Variants in KMT2E observed in about 807,000 individuals in gnomAD.
KMT2E encodes the protein lysine methyltransferase 2E (inactive).
Under a neutral mutation model 184.6 loss-of-function variants are expected in KMT2E, and 30 were observed. The ratio of observed to expected loss-of-function variants is 0.16; its 90% CI spans 0.12 to 0.22. KMT2E has a LOEUF of 0.22. Ranked by LOEUF, KMT2E falls within the 10% of genes least tolerant of loss-of-function variation. The pLI, the probability that KMT2E is intolerant of heterozygous loss-of-function variation, is 1.00. For synonymous variants in KMT2E, 815 were observed against 776.5 expected, an observed-to-expected ratio of 1.05 and a Z score of -0.82; for missense variants, 2,023 against 2,237.4, an observed-to-expected ratio of 0.90 and a Z score of 1.93.
chr7:105,019,466 A>G (rs1370759449), intron 1 of KMT2E, among the ~76,000 whole-genome samples: 1 of 152,226 alleles, frequency 6.6e-6, no homozygotes, highest in Non-Finnish European at 1.5e-5. Flanking sequence ...GGACATTTTC[A>G]ATGCAACAGG....
intron 1 of KMT2E, among the ~76,000 whole-genome samples, chr7:105,036,045 C>T (rs1323944856): frequency 6.6e-6 from 1 of 152,066 alleles, no homozygotes; most frequent in Non-Finnish European, 1.5e-5. Flanking sequence ...GAGTGAGATA[C>T]TTAAGTATTT....
In KMT2E at chr7:105,112,396, C is replaced by T; in HGVS notation, c.4640C>T (p.Pro1547Leu). The change falls in exon 27 of 27, where the codon CCA (proline) becomes CTA (leucine). Residue 1547 changes from proline to leucine, a missense_variant. By Grantham distance (98) the Pro-to-Leu change is moderately conservative (BLOSUM62 -3). Coordinates refer to ENST00000311117, the MANE Select transcript of KMT2E (RefSeq NM_182931.3). ...CTGAACAGCACGGCACCACCCCCTC[C>T]ACCTCCTCCACCTCCTTCTTCGTCT... is the stretch of plus-strand genomic sequence containing the variant. ...QSLNSTAPPP[P>L]PPPPPSSSYY... The T allele has an allele frequency of 1.9e-6, 3 of 1,612,566 alleles. No individual in the cohort carries two copies. Among genetic ancestry groups the T allele is most frequent in the South Asian group, 2.2e-5 (2 of 91,052 alleles).
chr7:105,087,284 G>GATATGATAT (rs1554396447), intron 13 of KMT2E, among the ~76,000 whole-genome samples: 1 of 143,874 alleles, frequency 7.0e-6, no homozygotes, highest in Non-Finnish European at 1.5e-5. Context: ...ATATAAATAT[G>GATATGATAT]ATATAATATA....
chr7:105,046,257 C>T (rs1001563455), intron 3 of KMT2E, among the ~76,000 whole-genome samples: 2 of 152,152 alleles, frequency 1.3e-5, no homozygotes, highest in African/African-American at 4.8e-5. Context: ...TACACATAAG[C>T]CATAATTTTT....
chr7:105,110,621 G>C lies in KMT2E; in HGVS notation c.3970+19G>C. ...ATGGAAGGTCAGTAAGCAGATGACC[G>C]ATAATGTTATTCTTAACAAATTTTA... On this transcript the variant is annotated intron_variant, in intron 25 of 26. Transcript: ENST00000311117. 6.2e-7 allele frequency: 1 copy of C among 1,613,690 alleles called. No homozygotes were observed. Among genetic ancestry groups the C allele is most frequent in the Non-Finnish European group, 8.5e-7 (1 of 1,179,716 alleles).
rs561921192 is a variant in KMT2E, at chr7:105,074,280, C to T, written c.557-363C>T. Among the ~76,000 whole-genome samples, 20 of 152,268 alleles carry T rather than the reference C, an allele frequency of 1.3e-4. No individual in the cohort carries two copies. In the South Asian group the frequency reaches 2.5e-3, roughly 19 times the overall value. On this transcript the variant is annotated intron_variant, in intron 7 of 26. Transcript: ENST00000311117. ...TGTACTTTTGCTGTTTTATCTTTGG[C>T]TAGATCTCTAATAATGAGATGGCTG...
intron 22 of KMT2E, 138 bp downstream of exon 22, chr7:105,108,063 C>G (rs1798992204): frequency 6.6e-6 from 4 of 606,302 alleles, no homozygotes; most frequent in Non-Finnish European, 1.0e-5. Context: ...TATTTTTAAA[C>G]CTTTTGTAAA....
chr7:105,095,291 GTATTTA>G (rs748217332), intron 15 of KMT2E, among the ~76,000 whole-genome samples: 1 of 152,042 alleles, frequency 6.6e-6, no homozygotes, highest in Admixed American at 6.6e-5. Context: ...ATATATTTTT[GTATTTA>G]TATTTATGAT....
At position 105,107,420 on chromosome 7, in the gene KMT2E, C is replaced by T; in HGVS notation, c.2963C>T (p.Thr988Ile). 6.2e-7 allele frequency: 1 copy of T among 1,609,644 alleles called. No homozygotes were observed. Reference sequence around the variant, plus strand: ...GGGCCTTTTAGAAATTCTAATTTAACTGAACTGGGTCTGCAAGAAATAAAG... The same window carrying T: ...GGGCCTTTTAGAAATTCTAATTTAATTGAACTGGGTCTGCAAGAAATAAAG... Reference protein sequence around the residue: ...TLGPFRNSNLTELGLQEIKTI... With the variant: ...TLGPFRNSNLIELGLQEIKTI... Residue 988 changes from threonine to isoleucine, a missense_variant, in exon 22 of 27, where the codon ACT becomes ATT. Around this residue, in one of 8 missense-constraint regions of KMT2E, gnomAD observed 514 missense variants for 621.8 expected, o/e 0.83. Transcript: ENST00000311117.
chr7:105,064,576 G>T (rs945721869), intron 5 of KMT2E, among the ~76,000 whole-genome samples: 1 of 152,064 alleles, frequency 6.6e-6, no homozygotes, highest in African/African-American at 2.4e-5. Context: ...GCCAAAAAAT[G>T]AGAAATTCAA....
chr7:105,106,787 T>A lies in KMT2E; in HGVS notation c.2847+15T>A. On this transcript the variant is annotated intron_variant, in intron 20 of 26. Coordinates refer to ENST00000311117, the MANE Select transcript of KMT2E (RefSeq NM_182931.3). ...TGCACTTTGAGGTGAGAAATTTTAA[T>A]GGAGAAAAAAAAATTCAACACTTGG... 1 of 1,603,728 alleles carries A rather than the reference T, an allele frequency of 6.2e-7. No homozygotes were observed. Among genetic ancestry groups the A allele is most frequent in the South Asian group, 1.1e-5 (1 of 89,922 alleles).
intron 21 of KMT2E, 65 bp from the exon 22 acceptor site, chr7:105,107,297 A>C: frequency 6.6e-7 from 1 of 1,516,394 alleles, no homozygotes; most frequent in Admixed American, 2.2e-5. Flanking sequence ...TTACTGGTAA[A>C]TTTTGAAATA....
chr7:105,015,087 A>C (rs1794657175), intron 1 of KMT2E, among the ~76,000 whole-genome samples: 1 of 152,126 alleles, frequency 6.6e-6, no homozygotes, highest in African/African-American at 2.4e-5. Context: ...CTAGCTCCTC[A>C]TCCTCTCCTG....
At chr7:105,083,963 C>T (rs1187171749) in intron 13 of KMT2E, among the ~76,000 whole-genome samples, 3 of 152,094 alleles carry the variant, frequency 2.0e-5, no homozygotes, top group African/African-American at 7.2e-5. Flanking sequence ...TTAATGACTT[C>T]ACTTTTTCTA....
At chr7:105,029,346 G>C (rs1442646075) in intron 1 of KMT2E, among the ~76,000 whole-genome samples, 1 of 152,180 alleles carries the variant, frequency 6.6e-6, no homozygotes, top group Non-Finnish European at 1.5e-5. Context: ...CAAGAACCTA[G>C]AGCAGTATCT....
rs150728398 is a variant in KMT2E, at chr7:105,112,382, G to C, written c.4626G>C (p.Thr1542=). 6.2e-7 allele frequency: 1 copy of C among 1,612,694 alleles called. No individual in the cohort carries two copies. Among genetic ancestry groups the C allele is most frequent in the East Asian group, 2.2e-5 (1 of 44,866 alleles). Residue 1542 remains threonine (T), a synonymous_variant, in exon 27 of 27, where the codon ACG becomes ACC. Coordinates refer to ENST00000311117, the MANE Select transcript of KMT2E (RefSeq NM_182931.3). ...SQFNQQSLNS[T]APPPPPPPPP... ...TTAACCAACAAAGTCTGAACAGCAC[G>C]GCACCACCCCCTCCACCTCCTCCAC...
chr7:105,107,669 C>T lies in KMT2E; in HGVS notation c.3212C>T (p.Pro1071Leu). 2 of 1,614,158 alleles carry T rather than the reference C, an allele frequency of 1.2e-6. No homozygotes were observed. Among genetic ancestry groups the T allele is most frequent in the Non-Finnish European group, 1.7e-6 (2 of 1,180,032 alleles). Reference protein sequence around the residue: ...GTMYSSWVKSPDRTGVNFSVN... With the variant: ...GTMYSSWVKSLDRTGVNFSVN... ...ATGTATTCTTCCTGGGTAAAGAGCC[C>T]TGACAGAACAGGAGTTAACTTCTCA... Residue 1071 changes from proline to leucine, a missense_variant, in exon 22 of 27, where the codon CCT becomes CTT. Physicochemically the swap from Pro to Leu is moderately conservative, Grantham distance 98. Transcript: ENST00000311117.
intron 1 of KMT2E, among the ~76,000 whole-genome samples, chr7:105,032,780 A>G (rs1795479922): frequency 6.6e-6 from 1 of 152,236 alleles, no homozygotes; most frequent in Admixed American, 6.5e-5. Flanking sequence ...GTGGGATAAC[A>G]GTTGTGAGCC....
chr7:105,110,727 A>G (rs1354068899), intron 25 of KMT2E, 44 bp from the exon 26 acceptor site: 2 of 1,588,502 alleles, frequency 1.3e-6, no homozygotes, highest in South Asian at 2.2e-5. Context: ...AACAGTGTTT[A>G]TTGTGTAATT....
Sources: gnomAD v4.1 joint callset for allele counts (sites outside exome capture counted in the v4.1 genomes callset) on GRCh38, gnomAD v4.1.1 for gene constraint, gnomAD v4.1.1 regional missense constraint, MANE v1.5 for transcripts, NCBI Gene and HGNC (gene_info 2026-07-23, HGNC 2026-07-21) for gene names.